CEP85L: variants seen among roughly 807,000 people sequenced by gnomAD.
The protein encoded by CEP85L is centrosomal protein of 85 kDa-like.
CEP85L carries 60 observed loss-of-function variants against 100.3 expected under a neutral mutation model. The ratio of observed to expected loss-of-function variants is 0.60; its 90% CI spans 0.49 to 0.74. The LOEUF (loss-of-function observed/expected upper bound fraction) is 0.74, where lower values mean the gene tolerates loss of function less well. Ranked by LOEUF, CEP85L falls within the 30% of genes least tolerant of loss-of-function variation. The pLI is 0.00. For synonymous variants in CEP85L, 319 were observed against 322.7 expected (o/e 0.99, Z 0.12); for missense variants, 973 against 936.2 (o/e 1.04, Z -0.51).
At chr6:118,466,809 G>A (rs1470412117) in intron 12 of CEP85L, among the ~76,000 whole-genome samples, 2 of 152,216 alleles carry the variant, frequency 1.3e-5, no homozygotes, top group Admixed American at 1.3e-4. Flanking sequence ...AATGGATTAG[G>A]GGGAGGGGAT....
Position 118,558,644 on chromosome 6 carries a change from CACACACACACACACACAGAG to C in CEP85L, c.1020+6865_1020+6884del, listed in dbSNP as rs1275807807. ...GTGCACATACACACACACACACACA[CACACACACACACACACAGAG>C]AGAGAGAGAGAGAGAGAGAGAGAGG... On this transcript the variant is annotated intron_variant, in intron 3 of 12. Transcript: ENST00000368491. Among the ~76,000 whole-genome samples, 4 of 142,104 alleles carry C rather than the reference CACACACACACACACACAGAG, an allele frequency of 2.8e-5. No individual in the cohort carries two copies. In the East Asian group the frequency reaches 5.9e-4, roughly 21 times the overall value. 93.2% of individuals were successfully genotyped at this position (142,104 alleles called of 152,430 possible).
chr6:118,695,053 CT>C (rs143808137), intron 1 of CEP85L, among the ~76,000 whole-genome samples: 1,746 of 152,294 alleles, frequency 0.011, 47 homozygotes, highest in African/African-American at 0.04. Flanking sequence ...TCCACCCATA[CT>C]CTTTCCTTCT....
chr6:118,523,140 T>C (rs138056599), intron 4 of CEP85L, among the ~76,000 whole-genome samples: 169 of 152,322 alleles, frequency 1.1e-3, no homozygotes, highest in African/African-American at 3.9e-3. Flanking sequence ...GCTTCCCAAT[T>C]ATCATGATAT....
chr6:118,538,697 TTTC>T (rs1777740021), intron 3 of CEP85L, among the ~76,000 whole-genome samples: 2 of 44,526 alleles, frequency 4.5e-5, no homozygotes, highest in East Asian at 7.8e-4. Flanking sequence ...AGTAACTTAC[TTTC>T]TTTAAGCAAA....
chr6:118,648,365 G>C (rs1030678459), intron 1 of CEP85L, among the ~76,000 whole-genome samples: 2 of 152,156 alleles, frequency 1.3e-5, no homozygotes, highest in African/African-American at 2.4e-5. Flanking sequence ...AAGGCTAAAA[G>C]TTCAGTATTT....
chr6:118,472,344 A>C (rs1029663712), intron 10 of CEP85L, among the ~76,000 whole-genome samples: 1 of 152,102 alleles, frequency 6.6e-6, no homozygotes, highest in Non-Finnish European at 1.5e-5. Flanking sequence ...CAGATTTCTC[A>C]TATGTTGCTT....
intron 3 of CEP85L, among the ~76,000 whole-genome samples, chr6:118,556,747 G>C (rs1009016868): frequency 1.3e-5 from 2 of 152,096 alleles, no homozygotes; most frequent in African/African-American, 2.4e-5. Flanking sequence ...ATGTCTGGCA[G>C]TTAATTACTG....
chr6:118,600,300 G>GGGGTGTGT lies in CEP85L; in HGVS notation c.232+32152_232+32153insACACACCC, dbSNP rs1562297733. Among the ~76,000 whole-genome samples, 29 of 52,248 alleles carry GGGGTGTGT rather than the reference G, an allele frequency of 5.6e-4. 5 individuals carry two copies. The highest frequency in any genetic ancestry group is 1.8e-3 in the East Asian group (3 of 1,682). The allele number at this position is 52,248 out of a possible 152,430, so 34.3% of individuals were successfully genotyped here. A position where few individuals can be genotyped will look rare whatever the true frequency, so the allele number is the denominator to read the frequency against. ...CTGCCTGTCCCTGAGCCTTCCTGGG[G>GGGGTGTGT]GTGTGTGTGTGTGTGTGTGTGTGTG... is the stretch of plus-strand genomic sequence containing the variant. On this transcript the variant is annotated intron_variant, in intron 2 of 12. Transcript: ENST00000368491.
intron 2 of CEP85L, among the ~76,000 whole-genome samples, chr6:118,576,026 T>C (rs1235751265): frequency 2.6e-5 from 4 of 151,992 alleles, no homozygotes; most frequent in Non-Finnish European, 5.9e-5. Context: ...TTAGAACATA[T>C]CATACCCAGG....
At chr6:118,552,504 G>C (rs1013203271) in intron 3 of CEP85L, among the ~76,000 whole-genome samples, 1 of 151,992 alleles carries the variant, frequency 6.6e-6, no homozygotes, top group African/African-American at 2.4e-5. Context: ...TGCAGACAAA[G>C]TAAGGACTCC....
At chr6:118,507,578 C>T (rs753447581) in intron 5 of CEP85L, among the ~76,000 whole-genome samples, 3 of 152,182 alleles carry the variant, frequency 2.0e-5, no homozygotes, top group Non-Finnish European at 2.9e-5. Flanking sequence ...TATCACTCGG[C>T]CCTTGCTTAC....
At chr6:118,708,455 G>T (rs1000530374) in intron 1 of CEP85L, among the ~76,000 whole-genome samples, 11 of 152,172 alleles carry the variant, frequency 7.2e-5, no homozygotes, top group African/African-American at 2.4e-4. Flanking sequence ...AACTTTTCAC[G>T]AAACAAAATT....
intron 5 of CEP85L, among the ~76,000 whole-genome samples, chr6:118,498,575 C>A (rs1452027736): frequency 2.8e-5 from 3 of 108,012 alleles, no homozygotes; most frequent in African/African-American, 3.6e-5. Context: ...CCCTAGGAAA[C>A]ATAGTGAGAC....
intron 2 of CEP85L, chr6:118,589,086 C>A: frequency 3.2e-6 from 1 of 315,172 alleles, no homozygotes; most frequent in Non-Finnish European, 6.6e-6. Context: ...GGAGACAGCA[C>A]CTTTGCAAAG....
At chr6:118,698,340 C>T (rs1287202804) in intron 1 of CEP85L, among the ~76,000 whole-genome samples, 6 of 152,190 alleles carry the variant, frequency 3.9e-5, no homozygotes, top group Non-Finnish European at 1.5e-5. Flanking sequence ...ATCTAAAATA[C>T]TAGCCACTTG....
At chr6:118,558,841 C>A in intron 3 of CEP85L, 1 of 928,592 alleles carries the variant, frequency 1.1e-6, no homozygotes, top group Non-Finnish European at 1.8e-6. Context: ...TAAAAGAAGA[C>A]AGTTATCTCA....
chr6:118,686,430 A>G (rs946541284), intron 1 of CEP85L, among the ~76,000 whole-genome samples: 3 of 151,444 alleles, frequency 2.0e-5, no homozygotes, highest in African/African-American at 7.3e-5. Flanking sequence ...CCATATATAG[A>G]TTTTCTTTTT....
intron 4 of CEP85L, among the ~76,000 whole-genome samples, chr6:118,519,566 GTGTGTGTGTGT>G (rs1426441603): frequency 4.6e-4 from 5 of 10,796 alleles, no homozygotes; most frequent in Non-Finnish European, 7.5e-4. Context: ...GTGTGTGTGT[GTGTGTGTGTGT>G]GTGTGGCGGG....
At chr6:118,621,289 G>A (rs1773425950) in intron 2 of CEP85L, among the ~76,000 whole-genome samples, 1 of 152,158 alleles carries the variant, frequency 6.6e-6, no homozygotes, top group African/African-American at 2.4e-5. Context: ...TTTATATGCT[G>A]CTGTACCCAA....
Sources: gnomAD v4.1 joint callset for allele counts (sites outside exome capture counted in the v4.1 genomes callset) on GRCh38, gnomAD v4.1.1 for gene constraint, MANE v1.5 for transcripts, NCBI Gene and HGNC (gene_info 2026-07-23, HGNC 2026-07-21) for gene names.